Variants in HECW1 observed in about 807,000 individuals in gnomAD.
The protein encoded by HECW1 is HECT, C2 and WW domain containing E3 ubiquitin protein ligase 1.
In HECW1, 61 loss-of-function variants were observed where a neutral mutation model predicts 182.3. The observed-to-expected ratio is 0.33, with a 90% CI of 0.27 to 0.41. The LOEUF is 0.41. HECW1 is among the 10% of genes least tolerant of loss of function. The pLI is 1.00. For synonymous variants in HECW1, 859 were observed against 832.6 expected (o/e 1.03, Z -0.55); for missense variants, 1,739 against 2,108.9 (o/e 0.82, Z 3.44).
chr7:43,438,095 G>A lies in HECW1; in HGVS notation c.894G>A (p.Leu298=). The change falls in exon 9 of 30, where the codon TTG becomes TTA. Residue 298 remains leucine, a synonymous_variant. Transcript: ENST00000395891. ...GCCGCCCCATCATCAAGCGCTTCTT[G>A]GGAAAGCTGTCGATGCCCGTTCAAA... The part of the protein sequence containing the change: ...AKSRPIIKRF[L]GKLSMPVQRL... 1 of 1,614,094 alleles carries A rather than the reference G, an allele frequency of 6.2e-7. No individual in the cohort carries two copies. The highest frequency in any genetic ancestry group is 1.7e-5 in the Admixed American group (1 of 60,002).
chr7:43,370,958 G>A (rs1347986161), intron 6 of HECW1, among the ~76,000 whole-genome samples: 7 of 151,538 alleles, frequency 4.6e-5, no homozygotes, highest in African/African-American at 7.3e-5. Flanking sequence ...CGCAATCTCG[G>A]CCCACTGCAA....
At chr7:43,305,461 T>C (rs971083094) in intron 3 of HECW1, among the ~76,000 whole-genome samples, 10 of 152,168 alleles carry the variant, frequency 6.6e-5, no homozygotes, top group Non-Finnish European at 1.5e-4. Context: ...AGTGCCCTCT[T>C]ATAATCGCCC....
intron 8 of HECW1, among the ~76,000 whole-genome samples, chr7:43,431,880 CTT>C (rs200886623): frequency 2.5e-4 from 19 of 76,202 alleles, no homozygotes; most frequent in Admixed American, 3.8e-4. Context: ...CCGACACTTG[CTT>C]TTTTTTTTTT....
chr7:43,458,813 T>C (rs2077484998), intron 13 of HECW1, among the ~76,000 whole-genome samples: 1 of 152,138 alleles, frequency 6.6e-6, no homozygotes, highest in Non-Finnish European at 1.5e-5. Context: ...TCCAGAGAAA[T>C]TTACAATGAT....
chr7:43,289,959 T>C (rs1805181287), intron 3 of HECW1, among the ~76,000 whole-genome samples: 1 of 152,200 alleles, frequency 6.6e-6, no homozygotes, highest in South Asian at 2.1e-4. Flanking sequence ...TTGAAGTCAG[T>C]AGAAAGGAAA....
intron 3 of HECW1, among the ~76,000 whole-genome samples, chr7:43,299,867 T>C (rs1806509405): frequency 6.6e-6 from 1 of 152,242 alleles, no homozygotes. Context: ...AAAATAGAAT[T>C]GTTCCTTTCT....
At chr7:43,396,130 A>G (rs909124934) in intron 6 of HECW1, among the ~76,000 whole-genome samples, 1 of 152,264 alleles carries the variant, frequency 6.6e-6, no homozygotes, top group African/African-American at 2.4e-5. Context: ...AAACCTTCCT[A>G]GAAGAGAATG....
At chr7:43,332,098 C>T (rs1181867344) in intron 5 of HECW1, among the ~76,000 whole-genome samples, 8 of 152,004 alleles carry the variant, frequency 5.3e-5, no homozygotes, top group Admixed American at 2.0e-4. Flanking sequence ...CTACAGTGCC[C>T]GCTTTCCTAA....
At chr7:43,488,832 G>A (rs1284330044) in intron 17 of HECW1, among the ~76,000 whole-genome samples, 1 of 152,146 alleles carries the variant, frequency 6.6e-6, no homozygotes, top group Non-Finnish European at 1.5e-5. Context: ...TGTGGCTCAG[G>A]GACGCAGCAA....
intron 2 of HECW1, among the ~76,000 whole-genome samples, chr7:43,209,254 G>T (rs941501027): frequency 6.6e-6 from 1 of 152,024 alleles, no homozygotes; most frequent in Non-Finnish European, 1.5e-5. Context: ...CATACGGCAC[G>T]CTGGCCCCCT....
At chr7:43,468,835 G>A in intron 15 of HECW1, 85 bp from the exon 16 acceptor site, 1 of 1,147,206 alleles carries the variant, frequency 8.7e-7, no homozygotes, top group Non-Finnish European at 1.3e-6. Context: ...ATCACACTTA[G>A]CAGTGTTAGG....
chr7:43,281,733 T>C (rs1452132726), intron 3 of HECW1, among the ~76,000 whole-genome samples: 1 of 148,136 alleles, frequency 6.8e-6, no homozygotes, highest in Non-Finnish European at 1.5e-5. Flanking sequence ...TTTTTTTTTT[T>C]TTTTTTAGAG....
intron 2 of HECW1, among the ~76,000 whole-genome samples, chr7:43,206,917 T>G (rs1795530067): frequency 2.6e-5 from 4 of 152,246 alleles, no homozygotes; most frequent in Admixed American, 1.3e-4. Flanking sequence ...ACAGACTTGC[T>G]AAATATATAA....
At chr7:43,122,223 G>A (rs1200191798) in intron 2 of HECW1, among the ~76,000 whole-genome samples, 1 of 152,152 alleles carries the variant, frequency 6.6e-6, no homozygotes. Context: ...AGGTTCACAA[G>A]GTCAGAAGTA....
intron 6 of HECW1, among the ~76,000 whole-genome samples, chr7:43,384,363 G>C (rs1584718188): frequency 6.6e-6 from 1 of 152,138 alleles, no homozygotes; most frequent in East Asian, 1.9e-4. Context: ...GTAGCAGGAA[G>C]CCCCAGGAAC....
At chr7:43,183,887 C>A (rs1038721925) in intron 2 of HECW1, among the ~76,000 whole-genome samples, 3 of 152,076 alleles carry the variant, frequency 2.0e-5, no homozygotes, top group African/African-American at 7.2e-5. Context: ...TACAGTATAA[C>A]AAGTGTAGGC....
intron 2 of HECW1, among the ~76,000 whole-genome samples, chr7:43,192,160 T>C (rs112925368): frequency 1.3e-5 from 2 of 152,236 alleles, no homozygotes; most frequent in African/African-American, 4.8e-5. Context: ...GGTTTCACCA[T>C]ATTGGCCAGG....
At chr7:43,287,821 A>G (rs1230609333) in intron 3 of HECW1, among the ~76,000 whole-genome samples, 1 of 152,220 alleles carries the variant, frequency 6.6e-6, no homozygotes. Context: ...GTCTGGATTT[A>G]GACAGCTTGC....
At chr7:43,353,717 G>A (rs1305682493) in intron 5 of HECW1, among the ~76,000 whole-genome samples, 1 of 152,158 alleles carries the variant, frequency 6.6e-6, no homozygotes, top group Non-Finnish European at 1.5e-5. Flanking sequence ...GTGAAATGGA[G>A]GTAGACAACC....
Sources: gnomAD v4.1 joint callset for allele counts (sites outside exome capture counted in the v4.1 genomes callset) on GRCh38, gnomAD v4.1.1 for gene constraint, MANE v1.5 for transcripts, NCBI Gene and HGNC (gene_info 2026-07-23, HGNC 2026-07-21) for gene names.